Variants in LRFN4 observed in about 807,000 individuals in gnomAD.
LRFN4 encodes the protein leucine rich repeat and fibronectin type III domain containing 4.
Under a neutral mutation model 29.0 loss-of-function variants are expected in LRFN4, and 10 were observed. That is an observed-to-expected ratio of 0.35 (90% CI 0.21 to 0.59). LRFN4 has a LOEUF of 0.59. LRFN4 is among the 20% of genes least tolerant of loss of function. The pLI is 0.82. For missense variants in LRFN4, 850 were observed against 907.9 expected, an observed-to-expected ratio of 0.94 and a Z score of 0.82; for synonymous variants, 493 against 437.0, an observed-to-expected ratio of 1.13 and a Z score of -1.60.
At position 66,860,064 on chromosome 11, in the gene LRFN4, T is replaced by TA. The variant is rs1207881777; in HGVS notation, c.1777_1778insA (p.Cys593Ter). 2.6e-6 allele frequency: 4 copies of TA among 1,565,106 alleles called. No homozygotes were observed. The highest frequency in any genetic ancestry group is 8.7e-7 in the Non-Finnish European group (1 of 1,155,912). ...SCSLDLGDAGCYGYARRLGGA... is the reference protein window; with the variant it reads ...SCSLDLGDAG ...CTCTCTGGACCTGGGAGATGCCGGG[T>TA]GCTACGGTTATGCCAGGCGCCTGGG... Residue 593 changes from cysteine to a stop codon, truncating the protein, a stop_gained and frameshift_variant, in exon 2 of 2, where the codon TGC becomes TAGC. Transcript: ENST00000309602. LOFTEE classifies it high-confidence loss of function.
Position 66,860,146 on chromosome 11 carries a change from G to A in LRFN4, c.1859G>A (p.Cys620Tyr). The A allele has an allele frequency of 6.5e-7, 1 of 1,549,384 alleles. No homozygotes were observed. Residue 620 changes from cysteine (C) to tyrosine (Y), a missense_variant, in exon 2 of 2, where the codon TGC (cysteine) becomes TAC (tyrosine). Physicochemically the swap from Cys to Tyr is radical, Grantham distance 194 (BLOSUM62 -2). This residue lies in a region of LRFN4 where 744 missense variants were observed against 753.8 expected (regional missense o/e 0.99). Transcript: ENST00000309602. ...SVHGGLLGAG[C>Y]RGVGGSAERL... ...CATGGGGGGCTGCTCGGGGCAGGGT[G>A]CCGGGGGGTAGGAGGCAGCGCCGAG...
At position 66,859,019 on chromosome 11, in the gene LRFN4, CG is replaced by C; in HGVS notation, c.1278del (p.Arg427GlyfsTer35). 1 of 1,511,304 alleles carries C rather than the reference CG, an allele frequency of 6.6e-7. No individual in the cohort carries two copies. 93.6% of individuals were successfully genotyped at this position (1,511,304 alleles called of 1,614,324 possible). A position where few individuals can be genotyped will look rare whatever the true frequency, so the allele number is the denominator to read the frequency against. On this transcript the variant is annotated frameshift_variant, in exon 1 of 2. Coordinates refer to ENST00000309602, the MANE Select transcript of LRFN4 (RefSeq NM_024036.5). LOFTEE classifies it high-confidence loss of function. ...ATSGLVSWGPGRPADPVWMFQ... is the reference protein window; with the variant it reads ...ATSGLVSWGPXRPADPVWMFQ... ...CCTCAGGGCTGGTGAGCTGGGGTCC[CG>C]GGCGGCCAGCCGACCCAGTGTGGAT...
chr11:66,857,690 C>T lies in LRFN4; in HGVS notation c.-55C>T, dbSNP rs1945947931. On this transcript the variant is annotated 5_prime_UTR_variant, in exon 1 of 2. Transcript: ENST00000309602. The surrounding 1 kb of genome is among the most constrained non-coding windows in gnomAD (Gnocchi z 7.1). ...GACTGTCCTGGGCCCAAGTGGGCAC[C>T]TGCGCCAGCCCCACCTGTGCCTGGG... 1 of 1,527,756 alleles carries T rather than the reference C, an allele frequency of 6.5e-7. No homozygotes were observed. The highest frequency in any genetic ancestry group is 2.3e-5 in the East Asian group (1 of 43,444). 94.6% of individuals were successfully genotyped at this position (1,527,756 alleles called of 1,614,324 possible).
chr11:66,859,362 G>C (rs530571746), intron 1 of LRFN4, among the ~76,000 whole-genome samples: 3 of 152,126 alleles, frequency 2.0e-5, no homozygotes, highest in Admixed American at 1.3e-4. Flanking sequence ...GTGGCGGTTG[G>C]GTCTGTCTGA....
In LRFN4 at chr11:66,858,594, G is replaced by T. The variant is rs1217905023; in HGVS notation, c.850G>T (p.Ala284Ser). Reference protein sequence around the residue: ...GEFSCEPPLIARHTQRLWVLE... With the variant: ...GEFSCEPPLISRHTQRLWVLE... The stretch of plus-strand genomic sequence containing the variant: ...GTTCTCCTGTGAGCCGCCCCTCATT[G>T]CCCGCCACACGCAGCGCCTCTGGGT... The change falls in exon 1 of 2, where the codon GCC (alanine) becomes TCC (serine). Residue 284 changes from alanine to serine, a missense_variant. This residue lies in a region of LRFN4 where 744 missense variants were observed against 753.8 expected (regional missense o/e 0.99). Transcript: ENST00000309602. The surrounding 1 kb of genome is among the most constrained non-coding windows in gnomAD (Gnocchi z 5.9). 2 of 1,533,978 alleles carry T rather than the reference G, an allele frequency of 1.3e-6. No homozygotes were observed. The highest frequency in any genetic ancestry group is 3.9e-5 in the Admixed American group (2 of 50,870).
rs768695574 is a variant in LRFN4, at chr11:66,858,056, C to T, written c.312C>T (p.Asp104=). 3 of 1,610,258 alleles carry T rather than the reference C, an allele frequency of 1.9e-6. No homozygotes were observed. The highest frequency in any genetic ancestry group is 2.2e-5 in the South Asian group (2 of 91,048). The change falls in exon 1 of 2, where the codon GAC becomes GAT. Residue 104 remains aspartate (D), a synonymous_variant. Transcript: ENST00000309602. This position sits in a 1 kb window ranked among gnomAD's most constrained non-coding sequence, Gnocchi z 5.9. ...AGAGCCTGCGTTCCCTCCACCTTGA[C>T]GGCAACAGGCTGGTGGAGCTGGGCA... ...DLESLRSLHL[D]GNRLVELGTG... is the part of the protein sequence containing the mutation.
chr11:66,857,960 G>A lies in LRFN4; in HGVS notation c.216G>A (p.Thr72=), dbSNP rs1945969682. 1 of 1,612,516 alleles carries A rather than the reference G, an allele frequency of 6.2e-7. No individual in the cohort carries two copies. The highest frequency in any genetic ancestry group is 8.5e-7 in the Non-Finnish European group (1 of 1,179,928). ...ALGPPDFRNM[T]GLVDLTLSRN... ...GGCCCCCTGACTTCCGCAACATGAC[G>A]GGACTGGTGGACCTGACACTGTCTC... Residue 72 remains threonine, a synonymous_variant, in exon 1 of 2, where the codon ACG becomes ACA. Coordinates refer to ENST00000309602, the MANE Select transcript of LRFN4 (RefSeq NM_024036.5). The surrounding 1 kb of genome is among the most constrained non-coding windows in gnomAD (Gnocchi z 7.1).
intron 1 of LRFN4, among the ~76,000 whole-genome samples, chr11:66,859,296 C>T (rs969686695): frequency 6.6e-6 from 1 of 152,156 alleles, no homozygotes; most frequent in East Asian, 1.9e-4. Flanking sequence ...GGCAGAAGGA[C>T]CCCACCCCGA....
chr11:66,858,785 G>A lies in LRFN4; in HGVS notation c.1041G>A (p.Gly347=), dbSNP rs1393541704. 1.3e-6 allele frequency: 2 copies of A among 1,550,224 alleles called. No individual in the cohort carries two copies. The highest frequency in any genetic ancestry group is 2.4e-5 in the East Asian group (1 of 41,080). ...EIGVTGAGDA[G]GYTCIATNPA... is the part of the protein sequence containing the mutation. ...GGGTGACCGGCGCTGGGGACGCTGGGGGCTACACCTGCATCGCCACCAACC... is the reference window on the plus strand; with the variant it reads ...GGGTGACCGGCGCTGGGGACGCTGGAGGCTACACCTGCATCGCCACCAACC... Residue 347 remains glycine, a synonymous_variant, in exon 1 of 2, where the codon GGG becomes GGA. Transcript: ENST00000309602. This position sits in a 1 kb window ranked among gnomAD's most constrained non-coding sequence, Gnocchi z 5.9.
rs1237667674 is a variant in LRFN4, at chr11:66,858,604, C to T, written c.860C>T (p.Thr287Met). Residue 287 changes from threonine (T) to methionine (M), a missense_variant, in exon 1 of 2, where the codon ACG becomes ATG. Transcript: ENST00000309602. The surrounding 1 kb of genome is among the most constrained non-coding windows in gnomAD (Gnocchi z 5.9). ...SCEPPLIARH[T>M]QRLWVLEGQR... ...GAGCCGCCCCTCATTGCCCGCCACA[C>T]GCAGCGCCTCTGGGTGCTGGAAGGC... 3.9e-6 allele frequency: 6 copies of T among 1,535,030 alleles called. No individual in the cohort carries two copies. The highest frequency in any genetic ancestry group is 2.4e-5 in the East Asian group (1 of 40,860).
rs1945908802 is a variant in LRFN4 at position 66,857,177 on chromosome 11, G to T, written c.-568G>T. 1 of 148,922 alleles carries T rather than the reference G, an allele frequency of 6.7e-6. No homozygotes were observed. Among genetic ancestry groups the T allele is most frequent in the African/African-American group, 2.4e-5 (1 of 40,998 alleles). 9.2% of individuals were successfully genotyped at this position (148,922 alleles called of 1,614,324 possible). On this transcript the variant is annotated 5_prime_UTR_variant, in exon 1 of 2. Coordinates refer to ENST00000309602, the MANE Select transcript of LRFN4 (RefSeq NM_024036.5). The surrounding 1 kb of genome is among the most constrained non-coding windows in gnomAD (Gnocchi z 7.1). ...GCCCGAGCGCCATGGGCCCGAGGGTGGGCGGCGGGCGGCCGGTCATCCCCG... is the reference window on the plus strand; with the variant it reads ...GCCCGAGCGCCATGGGCCCGAGGGTTGGCGGCGGGCGGCCGGTCATCCCCG...
Position 66,858,090 on chromosome 11 carries a change from C to T in LRFN4, c.346C>T (p.Leu116Phe). The T allele has an allele frequency of 1.9e-6, 3 of 1,609,590 alleles. No homozygotes were observed. Among genetic ancestry groups the T allele is most frequent in the Non-Finnish European group, 2.5e-6 (3 of 1,178,264 alleles). Residue 116 changes from leucine to phenylalanine, a missense_variant, in exon 1 of 2, where the codon CTC becomes TTC. Leu to Phe is a conservative substitution (Grantham distance 22). This residue lies in a region of LRFN4 where 744 missense variants were observed against 753.8 expected (regional missense o/e 0.99). Coordinates refer to ENST00000309602, the MANE Select transcript of LRFN4 (RefSeq NM_024036.5). The surrounding 1 kb of genome is among the most constrained non-coding windows in gnomAD (Gnocchi z 5.9). ...GCTGGTGGAGCTGGGCACCGGGAGC[C>T]TCCGGGGCCCCGTCAATCTGCAGCA... ...NRLVELGTGS[L>F]RGPVNLQHLI...
In LRFN4 at chr11:66,857,941, C is replaced by T. The variant is rs761498821; in HGVS notation, c.197C>T (p.Pro66Leu). The change falls in exon 1 of 2, where the codon CCT (proline) becomes CTT (leucine). Residue 66 changes from proline to leucine, a missense_variant. Physicochemically the swap from Pro to Leu is moderately conservative, Grantham distance 98. Transcript: ENST00000309602. This position sits in a 1 kb window ranked among gnomAD's most constrained non-coding sequence, Gnocchi z 7.1. ...ADNFIQALGP[P>L]DFRNMTGLVD... ...AACTTCATCCAGGCCCTGGGGCCCC[C>T]TGACTTCCGCAACATGACGGGACTG... is the stretch of plus-strand genomic sequence containing the variant. 16 of 1,612,556 alleles carry T rather than the reference C, an allele frequency of 9.9e-6. 1 individual carries two copies. The South Asian group carries it at 1.6e-4, about 17-fold the overall frequency.
chr11:66,858,962 G>A lies in LRFN4; in HGVS notation c.1218G>A (p.Glu406=), dbSNP rs1402141497. 2 of 1,576,108 alleles carry A rather than the reference G, an allele frequency of 1.3e-6. No individual in the cohort carries two copies. Among genetic ancestry groups the A allele is most frequent in the Admixed American group, 3.5e-5 (2 of 56,710 alleles). The change falls in exon 1 of 2, where the codon GAG becomes GAA. Residue 406 remains glutamate (E), a synonymous_variant. Transcript: ENST00000309602. This position sits in a 1 kb window ranked among gnomAD's most constrained non-coding sequence, Gnocchi z 5.9. ...AGGGTGAGGGGACGCTGGAGTCTGA[G>A]CCAGCCGTGCAGGTGACGGAGGTGA... The part of the protein sequence containing the change: ...AAEGEGTLES[E]PAVQVTEVTA...
At chr11:66,859,566 C>T in intron 1 of LRFN4, 71 bp from the exon 2 acceptor site, 1 of 1,591,896 alleles carries the variant, frequency 6.3e-7, no homozygotes, top group Non-Finnish European at 8.6e-7. Context: ...GAGCTGGGAG[C>T]ACGGGAGTGG....
At chr11:66,859,196 C>A in intron 1 of LRFN4, 103 bp downstream of exon 1, 1 of 1,347,374 alleles carries the variant, frequency 7.4e-7, no homozygotes, top group Non-Finnish European at 9.9e-7. Context: ...CTGGGGCTGA[C>A]ACCCCCTCCC....
In LRFN4 at chr11:66,858,941, T is replaced by C; in HGVS notation, c.1197T>C (p.Gly399=). Residue 399 remains glycine, a synonymous_variant, in exon 1 of 2, where the codon GGT becomes GGC. Transcript: ENST00000309602. The surrounding 1 kb of genome is among the most constrained non-coding windows in gnomAD (Gnocchi z 5.9). ...CCTCCGCTCGCACTGCTGCCGAGGG[T>C]GAGGGGACGCTGGAGTCTGAGCCAG... ...IAASARTAAE[G]EGTLESEPAV... 6.3e-7 allele frequency: 1 copy of C among 1,576,066 alleles called. No homozygotes were observed. Among genetic ancestry groups the C allele is most frequent in the Non-Finnish European group, 8.6e-7 (1 of 1,157,796 alleles).
chr11:66,857,605 C>A lies in LRFN4; in HGVS notation c.-140C>A. 4.4e-6 allele frequency: 4 copies of A among 902,052 alleles called. No homozygotes were observed. In the South Asian group the frequency reaches 5.4e-5, roughly 12 times the overall value. The allele number at this position is 902,052 out of a possible 1,614,324, so 55.9% of individuals were successfully genotyped here. ...CCCAACCTTCCCTCATCTCTGGCGG[C>A]CCTCTTGGGCCTCTGACCCAGCCCC... On this transcript the variant is annotated 5_prime_UTR_variant, in exon 1 of 2. Transcript: ENST00000309602. This position sits in a 1 kb window ranked among gnomAD's most constrained non-coding sequence, Gnocchi z 7.1.
chr11:66,857,933 G>T lies in LRFN4; in HGVS notation c.189G>T (p.Leu63=), dbSNP rs1459278714. The T allele has an allele frequency of 2.5e-6, 4 of 1,612,246 alleles. No individual in the cohort carries two copies. The highest frequency in any genetic ancestry group is 3.4e-6 in the Non-Finnish European group (4 of 1,179,948). Residue 63 remains leucine, a synonymous_variant, in exon 1 of 2, where the codon CTG becomes CTT. Transcript: ENST00000309602. The surrounding 1 kb of genome is among the most constrained non-coding windows in gnomAD (Gnocchi z 7.1). ...TGGCTGACAACTTCATCCAGGCCCT[G>T]GGGCCCCCTGACTTCCGCAACATGA... ...LRLADNFIQA[L]GPPDFRNMTG...
Sources: gnomAD v4.1 joint callset for allele counts (sites outside exome capture counted in the v4.1 genomes callset) on GRCh38, gnomAD v4.1.1 for gene constraint, gnomAD v4.1.1 regional missense constraint, Gnocchi (gnomAD v3.1) non-coding constraint, MANE v1.5 for transcripts, NCBI Gene and HGNC (gene_info 2026-07-23, HGNC 2026-07-21) for gene names.